FHIT: variants seen among roughly 807,000 people sequenced by gnomAD.
FHIT encodes the protein fragile histidine triad diadenosine triphosphatase.
A neutral mutation model predicts 17.9 loss-of-function variants in FHIT; 19 were observed. The observed-to-expected ratio is 1.06, with a 90% CI of 0.74 to 1.56. The LOEUF is 1.56. Ranked by LOEUF, FHIT falls within the 40% of genes most tolerant of loss-of-function variation. The pLI, the probability that FHIT is intolerant of heterozygous loss-of-function variation, is 0.00. For missense variants in FHIT, 248 were observed against 189.2 expected, an observed-to-expected ratio of 1.31 and a Z score of -1.82; for synonymous variants, 81 against 69.7, an observed-to-expected ratio of 1.16 and a Z score of -0.81.
At chr3:60,306,204 T>A (rs1708663539) in intron 5 of FHIT, among the ~76,000 whole-genome samples, 1 of 152,166 alleles carries the variant, frequency 6.6e-6, no homozygotes. Flanking sequence ...TTTGTCTGAC[T>A]TTTGATTAGA....
intron 8 of FHIT, among the ~76,000 whole-genome samples, chr3:59,878,572 C>T (rs534747240): frequency 2.6e-5 from 4 of 152,130 alleles, no homozygotes; most frequent in African/African-American, 2.4e-5. Flanking sequence ...ATACACTCAC[C>T]CTGTAAGCAC....
rs139126360 is a variant in FHIT, at chr3:60,004,388, T to C, written c.279+6983A>G. On this transcript the variant is annotated intron_variant, in intron 7 of 9. Transcript: ENST00000492590. ...CCTCTAATTACTGAGGGGATTTGTT[T>C]GGTAGTACTAATGAAAAATTAAACA... Among the ~76,000 whole-genome samples, 221 of 152,278 alleles carry C rather than the reference T, an allele frequency of 1.5e-3. 1 individual carries two copies. Among genetic ancestry groups the C allele is most frequent in the African/African-American group, 5.1e-3 (211 of 41,568 alleles).
chr3:60,796,976 T>A (rs1415076137), intron 4 of FHIT, among the ~76,000 whole-genome samples: 1 of 152,246 alleles, frequency 6.6e-6, no homozygotes, highest in East Asian at 1.9e-4. Flanking sequence ...AATTTCTTCA[T>A]AACTTATAAA....
chr3:60,616,377 TGATGTGCACA>T lies in FHIT; in HGVS notation c.-17-79408_-17-79399del, dbSNP rs1254500135. ...ATATTTCATCACATTTTAATGATTA[TGATGTGCACA>T]GGTGTGCTGAAAGTTTCTCCTCCAT... is the stretch of plus-strand genomic sequence containing the variant. On this transcript the variant is annotated intron_variant, in intron 4 of 9. Transcript: ENST00000492590. Among the ~76,000 whole-genome samples, 3 of 152,328 alleles carry T rather than the reference TGATGTGCACA, an allele frequency of 2.0e-5. No homozygotes were observed. The East Asian group carries it at 5.8e-4, about 29-fold the overall frequency.
rs549904727 is a variant in FHIT at position 60,888,659 on chromosome 3, G to A, written c.-110-66648C>T. Among the ~76,000 whole-genome samples the A allele has an allele frequency of 5.3e-5, 8 of 151,996 alleles. No individual in the cohort carries two copies. In the South Asian group the frequency reaches 1.7e-3, roughly 32 times the overall value. On this transcript the variant is annotated intron_variant, in intron 3 of 9. Coordinates refer to ENST00000492590, the MANE Select transcript of FHIT (RefSeq NM_002012.4). ...TTTCACAGCCGGCAACCAACTAATT[G>A]GTATATATTTAAACACATTTAAGAT...
At chr3:59,833,292 C>A (rs906474738) in intron 8 of FHIT, among the ~76,000 whole-genome samples, 3 of 152,114 alleles carry the variant, frequency 2.0e-5, no homozygotes, top group African/African-American at 4.8e-5. Context: ...TGAGGCCATA[C>A]TGAAATAGGG....
intron 4 of FHIT, among the ~76,000 whole-genome samples, chr3:60,705,621 T>G (rs782388786): frequency 4.6e-5 from 7 of 152,252 alleles, no homozygotes; most frequent in Non-Finnish European, 1.0e-4. Flanking sequence ...AGAAAAATAC[T>G]ATTTTGAAAT....
chr3:60,643,631 T>C (rs2039782212), intron 4 of FHIT, among the ~76,000 whole-genome samples: 1 of 152,180 alleles, frequency 6.6e-6, no homozygotes, highest in Admixed American at 6.5e-5. Flanking sequence ...CAGATGGTCT[T>C]CTAAATAGGT....
intron 5 of FHIT, among the ~76,000 whole-genome samples, chr3:60,377,887 T>C (rs910265332): frequency 1.3e-5 from 2 of 152,184 alleles, no homozygotes; most frequent in Non-Finnish European, 2.9e-5. Flanking sequence ...AAAGGAAAAC[T>C]GAACAGTACA....
chr3:59,907,966 ACTT>A (rs1704665029), intron 8 of FHIT, among the ~76,000 whole-genome samples: 1 of 152,202 alleles, frequency 6.6e-6, no homozygotes. Context: ...CTCTGACACT[ACTT>A]ATTTTGCCTC....
chr3:59,939,659 T>C (rs1706414913), intron 7 of FHIT, among the ~76,000 whole-genome samples: 1 of 152,236 alleles, frequency 6.6e-6, no homozygotes, highest in Admixed American at 6.5e-5. Context: ...AGGACACTGC[T>C]GAGCCCTGGC....
In FHIT at chr3:60,159,252, C is replaced by T. The variant is rs112241535; in HGVS notation, c.104-145100G>A. 6.8e-3 allele frequency among the ~76,000 whole-genome samples: 1,029 copies of T among 152,204 alleles called. 11 individuals carry two copies. The highest frequency in any genetic ancestry group is 0.013 in the African/African-American group (552 of 41,530). ...CCTCCTGCCTCAGCCCTCCAACTAG[C>T]TGAGACTACAGGTGCCTGCCACCAC... On this transcript the variant is annotated intron_variant, in intron 5 of 9. Transcript: ENST00000492590.
intron 2 of FHIT, among the ~76,000 whole-genome samples, chr3:61,089,997 G>A (rs571895205): frequency 3.3e-5 from 5 of 152,272 alleles, no homozygotes; most frequent in South Asian, 2.1e-4. Flanking sequence ...ATCAACAAGC[G>A]CATGCCAATA....
chr3:60,536,772 G>T (rs1264531767), intron 5 of FHIT, 88 bp downstream of exon 5: 2 of 1,387,846 alleles, frequency 1.4e-6, no homozygotes, highest in East Asian at 2.4e-5. Context: ...TGGACAGACT[G>T]GAGGCCAATC....
At chr3:61,175,482 T>G (rs966010138) in intron 2 of FHIT, among the ~76,000 whole-genome samples, 11 of 152,102 alleles carry the variant, frequency 7.2e-5, no homozygotes, top group Non-Finnish European at 1.3e-4. Context: ...CCTTACAACA[T>G]AGGTGCTATG....
intron 5 of FHIT, among the ~76,000 whole-genome samples, chr3:60,351,151 T>C (rs1036427845): frequency 2.6e-5 from 4 of 152,336 alleles, no homozygotes; most frequent in Middle Eastern, 3.4e-3. Context: ...AAAGGTGTGT[T>C]ATCTTAGCAC....
intron 1 of FHIT, among the ~76,000 whole-genome samples, chr3:61,203,879 C>G (rs1299275257): frequency 6.6e-6 from 1 of 152,192 alleles, no homozygotes; most frequent in African/African-American, 2.4e-5. Context: ...CATGTACTCA[C>G]AGAGATTTGT....
chr3:60,464,510 A>G (rs757261896), intron 5 of FHIT, among the ~76,000 whole-genome samples: 3 of 151,810 alleles, frequency 2.0e-5, no homozygotes, highest in Non-Finnish European at 4.4e-5. Context: ...CCCCTCCCCA[A>G]CTACCCTTCC....
chr3:60,922,269 C>T (rs1167221874), intron 3 of FHIT, among the ~76,000 whole-genome samples: 1 of 152,164 alleles, frequency 6.6e-6, no homozygotes, highest in African/African-American at 2.4e-5. Context: ...GATAAATTGG[C>T]CTCTTTACCT....
Sources: gnomAD v4.1 joint callset for allele counts (sites outside exome capture counted in the v4.1 genomes callset) on GRCh38, gnomAD v4.1.1 for gene constraint, MANE v1.5 for transcripts, NCBI Gene and HGNC (gene_info 2026-07-23, HGNC 2026-07-21) for gene names.